Variants in KBTBD8 observed in about 807,000 individuals in gnomAD.
KBTBD8 encodes the protein kelch repeat and BTB domain containing 8.
A neutral mutation model predicts 53.5 loss-of-function variants in KBTBD8; 31 were observed. The ratio of observed to expected loss-of-function variants is 0.58; its 90% confidence interval spans 0.44 to 0.78. The LOEUF is 0.78. Among genes scored for constraint, KBTBD8 ranks in the 30% least tolerant of loss-of-function variants. The pLI is 0.00. For synonymous variants in KBTBD8, 250 were observed against 247.3 expected, an observed-to-expected ratio of 1.01 and a Z score of -0.10; for missense variants, 642 against 735.8, an observed-to-expected ratio of 0.87 and a Z score of 1.48.
At chr3:67,002,210 T>A (rs1372709106) in intron 2 of KBTBD8, among the ~76,000 whole-genome samples, 1 of 152,210 alleles carries the variant, frequency 6.6e-6, no homozygotes, top group African/African-American at 2.4e-5. Context: ...AGGTAAAATA[T>A]GGTATCTTTG....
chr3:67,007,627 G>A (rs1259594021), intron 3 of KBTBD8, among the ~76,000 whole-genome samples: 1 of 151,976 alleles, frequency 6.6e-6, no homozygotes, highest in East Asian at 1.9e-4. Flanking sequence ...CCAGAATCAA[G>A]CTCTTAACAA....
chr3:67,000,734 C>G (rs1034844210), intron 2 of KBTBD8, among the ~76,000 whole-genome samples: 1 of 151,858 alleles, frequency 6.6e-6, no homozygotes, highest in Admixed American at 6.6e-5. Flanking sequence ...CAAAACAAAA[C>G]AAAACAAAAA....
At chr3:67,005,691 T>G (rs1324864889) in intron 3 of KBTBD8, among the ~76,000 whole-genome samples, 1 of 151,908 alleles carries the variant, frequency 6.6e-6, no homozygotes, top group Non-Finnish European at 1.5e-5. Context: ...TCTTTTTTTT[T>G]TTGAGGCAGG....
At chr3:66,999,856 T>A (rs138263101) in intron 2 of KBTBD8, among the ~76,000 whole-genome samples, 2,610 of 152,306 alleles carry the variant, frequency 0.017, 50 homozygotes, top group African/African-American at 0.05. Flanking sequence ...TATCCAAGAT[T>A]TCTAGAAGTA....
At position 67,004,227 on chromosome 3, in the gene KBTBD8, T is replaced by C; in HGVS notation, c.1260T>C (p.Cys420=). The change falls in exon 3 of 4, where the codon TGT becomes TGC. Residue 420 remains cysteine, a synonymous_variant. Coordinates refer to ENST00000417314, the MANE Select transcript of KBTBD8 (RefSeq NM_032505.3). ...SVECYDSREN[C]WTTVCAMPVA... is the part of the protein sequence containing the mutation. ...AGTGCTACGACAGTAGAGAGAATTG[T>C]TGGACGACTGTTTGCGCGATGCCAG... 1.2e-6 allele frequency: 2 copies of C among 1,614,220 alleles called. No homozygotes were observed. The highest frequency in any genetic ancestry group is 1.7e-6 in the Non-Finnish European group (2 of 1,180,030).
At position 67,008,858 on chromosome 3, in the gene KBTBD8, A is replaced by G. The variant is rs372161821; in HGVS notation, c.*473A>G. On this transcript the variant is annotated 3_prime_UTR_variant, in exon 4 of 4. Coordinates refer to ENST00000417314, the MANE Select transcript of KBTBD8 (RefSeq NM_032505.3). ...ACTTAGATCCTCATTCTTAATATTT[A>G]TATGTATCTATTTTTGTGTACTGTT... is the stretch of plus-strand genomic sequence containing the variant. The G allele has an allele frequency of 2.0e-3, 307 of 156,000 alleles. 3 individuals are homozygous for G. In the South Asian group the frequency reaches 0.023, roughly 12 times the overall value. The allele number at this position is 156,000 out of a possible 1,614,324, so 9.7% of individuals were successfully genotyped here. A position where few individuals can be genotyped will look rare whatever the true frequency, so the allele number is the denominator to read the frequency against.
chr3:67,009,001 C>T lies in KBTBD8; in HGVS notation c.*616C>T, dbSNP rs1702094537. 1 of 152,518 alleles carries T rather than the reference C, an allele frequency of 6.6e-6. No individual in the cohort carries two copies. Among genetic ancestry groups the T allele is most frequent in the African/African-American group, 2.4e-5 (1 of 41,394 alleles). 9.4% of individuals were successfully genotyped at this position (152,518 alleles called of 1,614,324 possible). On this transcript the variant is annotated 3_prime_UTR_variant, in exon 4 of 4. Coordinates refer to ENST00000417314, the MANE Select transcript of KBTBD8 (RefSeq NM_032505.3). ...ATTTCCCATGTAATTTTAAGTTAAG[C>T]TAAAGTTTTAAAGTGGCAGTTTTCT... is the stretch of plus-strand genomic sequence containing the variant.
At chr3:66,998,875 C>T (rs1482537473) in intron 1 of KBTBD8, 106 bp from the exon 2 acceptor site, 2 of 851,006 alleles carry the variant, frequency 2.4e-6, no homozygotes. Context: ...TTGTATATAT[C>T]TTGTAGGGGG....
chr3:67,009,407 C>A lies in KBTBD8; in HGVS notation c.*1022C>A, dbSNP rs1185908496. The A allele has an allele frequency of 6.6e-6, 1 of 152,610 alleles. No individual in the cohort carries two copies. The allele number at this position is 152,610 out of a possible 1,614,324, so 9.5% of individuals were successfully genotyped here. ...TGGTACAAGGAAAGGTAACTTATTT[C>A]TCTTCTGCACAGAGCATAATGTGAA... On this transcript the variant is annotated 3_prime_UTR_variant, in exon 4 of 4. Coordinates refer to ENST00000417314, the MANE Select transcript of KBTBD8 (RefSeq NM_032505.3).
chr3:66,999,232 G>A lies in KBTBD8; in HGVS notation c.227+41G>A, dbSNP rs1308965725. 5 of 1,474,330 alleles carry A rather than the reference G, an allele frequency of 3.4e-6. No homozygotes were observed. The East Asian group carries it at 1.1e-4, about 33-fold the overall frequency. The allele number at this position is 1,474,330 out of a possible 1,614,324, so 91.3% of individuals were successfully genotyped here. A position where few individuals can be genotyped will look rare whatever the true frequency, so the allele number is the denominator to read the frequency against. On this transcript the variant is annotated intron_variant, in intron 2 of 3. Coordinates refer to ENST00000417314, the MANE Select transcript of KBTBD8 (RefSeq NM_032505.3). ...GAACTTCTGTTGGTATCTGCACCAA[G>A]CTCCCTTTCCCCCTCAGTATTGTCC... is the stretch of plus-strand genomic sequence containing the variant.
At position 66,998,346 on chromosome 3, in the gene KBTBD8, C is replaced by T; in HGVS notation, c.-10C>T. The T allele has an allele frequency of 7.7e-7, 1 of 1,295,152 alleles. No individual in the cohort carries two copies. Among genetic ancestry groups the T allele is most frequent in the Non-Finnish European group, 9.9e-7 (1 of 1,013,154 alleles). The allele number at this position is 1,295,152 out of a possible 1,614,324, so 80.2% of individuals were successfully genotyped here. A position where few individuals can be genotyped will look rare whatever the true frequency, so the allele number is the denominator to read the frequency against. On this transcript the variant is annotated 5_prime_UTR_variant, in exon 1 of 4. Transcript: ENST00000417314. ...TTTTTAAATAGCTGGAGTCGGGGCC[C>T]CATCGAGAAATGGCCGCGTCGGCAG...
intron 1 of KBTBD8, among the ~76,000 whole-genome samples, chr3:66,998,602 C>T (rs557714052): frequency 9.9e-5 from 15 of 152,044 alleles, no homozygotes; most frequent in Non-Finnish European, 1.9e-4. Flanking sequence ...CAGGAGGCAG[C>T]GGGAGGCGGC....
rs750593527 is a variant in KBTBD8, at chr3:67,003,246, A to C, written c.279A>C (p.Ile93=). ...LTESTQKEVR[I]VGVEAESMDL... ...AAAGTACTCAAAAAGAAGTTCGAATAGTTGGTGTTGAAGCTGAATCGATGG... is the reference window on the plus strand; with the variant it reads ...AAAGTACTCAAAAAGAAGTTCGAATCGTTGGTGTTGAAGCTGAATCGATGG... Residue 93 remains isoleucine, a synonymous_variant, in exon 3 of 4, where the codon ATA becomes ATC. Transcript: ENST00000417314. The C allele has an allele frequency of 1.9e-5, 31 of 1,614,120 alleles. No homozygotes were observed. Among genetic ancestry groups the C allele is most frequent in the Non-Finnish European group, 2.5e-5 (30 of 1,179,954 alleles).
In KBTBD8 at chr3:67,003,575, A is replaced by G. The variant is rs1433735613; in HGVS notation, c.608A>G (p.Asp203Gly). The G allele has an allele frequency of 2.5e-6, 4 of 1,613,866 alleles. No individual in the cohort carries two copies. Among genetic ancestry groups the G allele is most frequent in the Non-Finnish European group, 3.4e-6 (4 of 1,179,866 alleles). Residue 203 changes from aspartate (D) to glycine (G), a missense_variant, in exon 3 of 4, where the codon GAC (aspartate) becomes GGC (glycine). Asp to Gly is a moderately conservative substitution (Grantham distance 94). Coordinates refer to ENST00000417314, the MANE Select transcript of KBTBD8 (RefSeq NM_032505.3). ...KDQLISILDSDDLNVDREEHV... is the reference protein window; with the variant it reads ...KDQLISILDSGDLNVDREEHV... Reference sequence around the variant, plus strand: ...CAACTGATAAGTATACTAGACAGTGACGATTTAAATGTAGACCGAGAAGAG... The same window carrying G: ...CAACTGATAAGTATACTAGACAGTGGCGATTTAAATGTAGACCGAGAAGAG...
intron 2 of KBTBD8, 46 bp downstream of exon 2, chr3:66,999,237 C>T (rs1317130722): frequency 1.4e-6 from 2 of 1,409,752 alleles, no homozygotes; most frequent in African/African-American, 1.4e-5. Context: ...ACCAAGCTCC[C>T]TTTCCCCCTC....
rs560916732 is a variant in KBTBD8, at chr3:67,009,647, G to C, written c.*1262G>C. On this transcript the variant is annotated 3_prime_UTR_variant, in exon 4 of 4. Coordinates refer to ENST00000417314, the MANE Select transcript of KBTBD8 (RefSeq NM_032505.3). ...GAGTGAACAGAACCATAGCTTTCTA[G>C]GTACTAAAGCATTTTTTGCATTTAA... The C allele has an allele frequency of 9.2e-5, 14 of 152,582 alleles. No homozygotes were observed. The East Asian group carries it at 2.7e-3, about 29-fold the overall frequency. The allele number at this position is 152,582 out of a possible 1,614,324, so 9.5% of individuals were successfully genotyped here. A position where few individuals can be genotyped will look rare whatever the true frequency, so the allele number is the denominator to read the frequency against.
Position 67,003,337 on chromosome 3 carries a change from T to A in KBTBD8, c.370T>A (p.Phe124Ile). ...TACAGAGGCCAATGTTCAAGCCTTG[T>A]TCACTGCAGCTAGCATCTTCCAGAT... is the stretch of plus-strand genomic sequence containing the variant. ...ILTEANVQAL[F>I]TAASIFQIPS... The change falls in exon 3 of 4, where the codon TTC becomes ATC. Residue 124 changes from phenylalanine (F) to isoleucine (I), a missense_variant. Physicochemically the swap from Phe to Ile is conservative, Grantham distance 21. Transcript: ENST00000417314. 2.5e-6 allele frequency: 4 copies of A among 1,614,214 alleles called. No homozygotes were observed. The South Asian group carries it at 4.4e-5, about 18-fold the overall frequency.
Position 67,003,922 on chromosome 3 carries a change from A to G in KBTBD8, c.955A>G (p.Lys319Glu). Reference sequence around the variant, plus strand: ...CACAGGAAGGGTGTTTAAACTATGCAAACCACCAAATGACCTGAGAGAAGT... The same window carrying G: ...CACAGGAAGGGTGTTTAAACTATGCGAACCACCAAATGACCTGAGAGAAGT... ...IVTGRVFKLC[K>E]PPNDLREVGI... The change falls in exon 3 of 4, where the codon AAA (lysine) becomes GAA (glutamate). Residue 319 changes from lysine to glutamate, a missense_variant. Transcript: ENST00000417314. 2 of 1,614,176 alleles carry G rather than the reference A, an allele frequency of 1.2e-6. No individual in the cohort carries two copies. The highest frequency in any genetic ancestry group is 1.7e-6 in the Non-Finnish European group (2 of 1,180,036).
rs751737016 is a variant in KBTBD8, at chr3:67,004,316, G to A, written c.1342+7G>A. On this transcript the variant is annotated splice_region_variant and intron_variant, in intron 3 of 3. Coordinates refer to ENST00000417314, the MANE Select transcript of KBTBD8 (RefSeq NM_032505.3). Reference sequence around the variant, plus strand: ...AAGATCTATGTTTTACAGGGTAGGTGCCTAAGTGATTTAGTTTTTCATGGA... The same window carrying A: ...AAGATCTATGTTTTACAGGGTAGGTACCTAAGTGATTTAGTTTTTCATGGA... 9.3e-6 allele frequency: 15 copies of A among 1,604,424 alleles called. No homozygotes were observed. The African/African-American group carries it at 1.9e-4, about 20-fold the overall frequency.
Sources: allele counts gnomAD v4.1 joint callset (sites outside exome capture counted in the v4.1 genomes callset), GRCh38; gene constraint gnomAD v4.1.1; transcripts MANE v1.5; gene names NCBI Gene and HGNC (gene_info 2026-07-23, HGNC 2026-07-21).